KIN: variants seen among roughly 807,000 people sequenced by gnomAD.
KIN encodes the protein DNA/RNA-binding protein KIN17.
In KIN, 47 loss-of-function variants were observed where a neutral mutation model predicts 63.0. The ratio of observed to expected loss-of-function variants is 0.75; its 90% CI spans 0.59 to 0.95. The LOEUF is 0.95. Among genes scored for constraint, KIN ranks in the 40% least tolerant of loss-of-function variants. The probability of loss-of-function intolerance (pLI) is 0.00; values close to 1 mark genes in which losing one functional copy is unlikely to be tolerated. For missense variants in KIN, 408 were observed against 460.9 expected (o/e 0.89, Z 1.05); for synonymous variants, 160 against 157.7 (o/e 1.01, Z -0.11).
Position 7,760,005 on chromosome 10 carries a change from A to C in KIN, c.1019-15T>G. The stretch of plus-strand genomic sequence containing the variant: ...AATTCTTTTTCCTATGATGGAAAAG[A>C]ATATAAAAATTAATGTGAAGAAATA... On this transcript the variant is annotated splice_polypyrimidine_tract_variant and intron_variant, in intron 11 of 12. Transcript: ENST00000379562. 1 of 1,223,396 alleles carries C rather than the reference A, an allele frequency of 8.2e-7. No individual in the cohort carries two copies. Among genetic ancestry groups the C allele is most frequent in the Non-Finnish European group, 1.2e-6 (1 of 862,872 alleles). 75.8% of individuals were successfully genotyped at this position (1,223,396 alleles called of 1,614,324 possible). A position where few individuals can be genotyped will look rare whatever the true frequency, so the allele number is the denominator to read the frequency against.
At chr10:7,766,947 T>C (rs1835556178) in intron 8 of KIN, among the ~76,000 whole-genome samples, 1 of 151,274 alleles carries the variant, frequency 6.6e-6, no homozygotes, top group Admixed American at 6.6e-5. Flanking sequence ...GCTTGAACCC[T>C]GTGAGGCGGA....
chr10:7,773,126 C>T (rs946954714), intron 7 of KIN, among the ~76,000 whole-genome samples: 8 of 152,192 alleles, frequency 5.3e-5, no homozygotes, highest in Admixed American at 2.0e-4. Context: ...GTAACGCCTG[C>T]GGCCAACAGA....
At chr10:7,766,286 TA>T (rs916839316) in intron 8 of KIN, 183 bp from the exon 9 acceptor site, 7 of 476,932 alleles carry the variant, frequency 1.5e-5, no homozygotes, top group Non-Finnish European at 2.6e-5. Flanking sequence ...GTTTTTGATT[TA>T]AAAAAAACTT....
intron 12 of KIN, 81 bp from the exon 13 acceptor site, chr10:7,756,223 C>T: frequency 1.3e-6 from 1 of 767,890 alleles, no homozygotes; most frequent in Non-Finnish European, 2.0e-6. Flanking sequence ...CTTATGGATA[C>T]AAATTTGCCT....
intron 7 of KIN, among the ~76,000 whole-genome samples, chr10:7,770,023 C>A (rs1191143935): frequency 6.6e-6 from 1 of 152,142 alleles, no homozygotes; most frequent in Non-Finnish European, 1.5e-5. Flanking sequence ...CTCCGCCTCC[C>A]AGGTTCAAGC....
intron 1 of KIN, among the ~76,000 whole-genome samples, chr10:7,786,657 G>T (rs1564327357): frequency 6.6e-6 from 1 of 152,066 alleles, no homozygotes; most frequent in African/African-American, 2.4e-5. Flanking sequence ...GCTTTGTGAG[G>T]ATAGAGGCAG....
Position 7,772,659 on chromosome 10 carries a change from A to C in KIN, c.668+2172T>G, listed in dbSNP as rs1835690080. On this transcript the variant is annotated intron_variant, in intron 7 of 12. Coordinates refer to ENST00000379562, the MANE Select transcript of KIN (RefSeq NM_012311.4). ...TAATTTCAGAGAAAAAACATTTTAG[A>C]TGTCTTTCAATTGTATTACCCATGA... is the stretch of plus-strand genomic sequence containing the variant. Among the ~76,000 whole-genome samples the C allele has an allele frequency of 4.6e-5, 7 of 152,252 alleles. No homozygotes were observed. In the South Asian group the frequency reaches 1.4e-3, roughly 31 times the overall value.
chr10:7,759,868 G>A (rs1214420103), intron 12 of KIN, 22 bp downstream of exon 12: 13 of 1,173,864 alleles, frequency 1.1e-5, no homozygotes, highest in Non-Finnish European at 1.6e-5. Flanking sequence ...TGAAATTTCT[G>A]TCTTTGTGTA....
chr10:7,751,708 A>G lies in KIN; in HGVS notation c.*4372T>C, dbSNP rs952006920. 6.6e-6 allele frequency: 1 copy of G among 152,238 alleles called. No individual in the cohort carries two copies. The highest frequency in any genetic ancestry group is 1.5e-5 in the Non-Finnish European group (1 of 68,050). 9.4% of individuals were successfully genotyped at this position (152,238 alleles called of 1,614,324 possible). ...CCTATTTCAAAAATAGAAAAATATT[A>G]AATATTAGAATGCTAATATTCAACA... On this transcript the variant is annotated 3_prime_UTR_variant, in exon 13 of 13. Coordinates refer to ENST00000379562, the MANE Select transcript of KIN (RefSeq NM_012311.4).
intron 12 of KIN, among the ~76,000 whole-genome samples, chr10:7,759,425 A>C (rs139658320): frequency 4.5e-4 from 69 of 152,292 alleles, no homozygotes; most frequent in African/African-American, 1.6e-3. Context: ...CATTTTAAAA[A>C]GTGGTTGACC....
chr10:7,779,975 T>C, intron 4 of KIN, 81 bp downstream of exon 4: 1 of 1,478,724 alleles, frequency 6.8e-7, no homozygotes, highest in Non-Finnish European at 9.2e-7. Context: ...CAATTTTTTT[T>C]CTCTTTTCTT....
At chr10:7,787,769 G>A in intron 1 of KIN, 51 bp downstream of exon 1, 1 of 1,413,840 alleles carries the variant, frequency 7.1e-7, no homozygotes, top group South Asian at 1.1e-5. Flanking sequence ...ACCTGATCCT[G>A]GATTGCCAGG....
chr10:7,759,241 A>G (rs74121648), intron 12 of KIN, among the ~76,000 whole-genome samples: 2,403 of 152,298 alleles, frequency 0.016, 62 homozygotes, highest in African/African-American at 0.055. Context: ...GCAGTGCAGT[A>G]GTTCAGAGTT....
Position 7,780,156 on chromosome 10 carries a change from GT to G in KIN, c.275del (p.Asn92ThrfsTer16), listed in dbSNP as rs1835868014. On this transcript the variant is annotated frameshift_variant, in exon 4 of 13. Coordinates refer to ENST00000379562, the MANE Select transcript of KIN (RefSeq NM_012311.4). LOFTEE classifies it high-confidence loss of function. ...GGCTGATGTATTCGTTGTAGACAAT[GT>G]TGTTGTGGACCCTTTTAGTGCCTGA... is the stretch of plus-strand genomic sequence containing the variant. ...RRFGTKRVHN[N>X]IVYNEYISHR... 6.2e-7 allele frequency: 1 copy of G among 1,613,728 alleles called. No individual in the cohort carries two copies. The highest frequency in any genetic ancestry group is 1.7e-5 in the Admixed American group (1 of 59,990).
intron 2 of KIN, among the ~76,000 whole-genome samples, chr10:7,780,823 A>C (rs773473007): frequency 2.0e-5 from 3 of 152,248 alleles, no homozygotes; most frequent in Non-Finnish European, 4.4e-5. Context: ...TTAAGTTAAA[A>C]GTCAGTTGGG....
At chr10:7,774,727 A>G (rs370706290) in intron 7 of KIN, 104 bp downstream of exon 7, 5 of 955,928 alleles carry the variant, frequency 5.2e-6, no homozygotes, top group African/African-American at 1.7e-5. Flanking sequence ...AAACAGGTGA[A>G]AACTACAACT....
chr10:7,780,047 C>A lies in KIN; in HGVS notation c.376+9G>T. The A allele has an allele frequency of 6.2e-7, 1 of 1,608,232 alleles. No homozygotes were observed. The highest frequency in any genetic ancestry group is 1.1e-5 in the South Asian group (1 of 90,904). ...GAAAGAAAAAGCAACTTTAAAATCT[C>A]ATTCTTACCTTCTCTGCCCAGCCAC... is the stretch of plus-strand genomic sequence containing the variant. On this transcript the variant is annotated intron_variant, in intron 4 of 12. Transcript: ENST00000379562.
At chr10:7,761,089 A>G (rs1349206524) in intron 11 of KIN, 4 of 152,222 alleles carry the variant, frequency 2.6e-5, no homozygotes, top group African/African-American at 9.6e-5. Flanking sequence ...AGCAGAAGGT[A>G]GGAGGGAGGG....
rs1588482115 is a variant in KIN at position 7,775,816 on chromosome 10, T to G, written c.559-17A>C. On this transcript the variant is annotated splice_polypyrimidine_tract_variant and intron_variant, in intron 5 of 12. Coordinates refer to ENST00000379562, the MANE Select transcript of KIN (RefSeq NM_012311.4). Reference sequence around the variant, plus strand: ...AGGGACCTCCTAAAAAAAAGAAAGTTTTAAGGTTTTGGTGTACATTGCACT... The same window carrying G: ...AGGGACCTCCTAAAAAAAAGAAAGTGTTAAGGTTTTGGTGTACATTGCACT... 6.6e-7 allele frequency: 1 copy of G among 1,522,170 alleles called. No individual in the cohort carries two copies. The highest frequency in any genetic ancestry group is 1.7e-4 in the Middle Eastern group (1 of 5,752). The allele number at this position is 1,522,170 out of a possible 1,614,324, so 94.3% of individuals were successfully genotyped here. A position where few individuals can be genotyped will look rare whatever the true frequency, so the allele number is the denominator to read the frequency against.
Sources: gnomAD v4.1 joint callset for allele counts (sites outside exome capture counted in the v4.1 genomes callset) on GRCh38, gnomAD v4.1.1 for gene constraint, MANE v1.5 for transcripts, NCBI Gene and HGNC (gene_info 2026-07-23, HGNC 2026-07-21) for gene names.